MAPRE2: variants seen among roughly 807,000 people sequenced by gnomAD.
MAPRE2 encodes microtubule associated protein RP/EB family member 2.
A neutral mutation model predicts 43.2 loss-of-function variants in MAPRE2; 13 were observed. That is an observed-to-expected ratio of 0.30 (90% CI 0.20 to 0.48). The LOEUF (loss-of-function observed/expected upper bound fraction) is 0.48, where lower values mean the gene tolerates loss of function less well. MAPRE2 is among the 20% of genes least tolerant of loss of function. The probability of loss-of-function intolerance (pLI) is 0.99; values close to 1 mark genes in which losing one functional copy is unlikely to be tolerated. For missense variants in MAPRE2, 161 were observed against 400.2 expected (o/e 0.40, Z 5.10); for synonymous variants, 135 against 148.8 (o/e 0.91, Z 0.68).
chr18:35,109,441 G>A (rs960462391), intron 4 of MAPRE2, among the ~76,000 whole-genome samples: 2 of 152,090 alleles, frequency 1.3e-5, no homozygotes, highest in Admixed American at 6.6e-5. Flanking sequence ...GCTATACAGG[G>A]TCTTCTTTGA....
Position 35,140,333 on chromosome 18 carries a change from C to T in MAPRE2, c.948C>T (p.Ala316=). ...AAGAGCCGGAAGCAGAGGAGCAAGC[C>T]CACGAACAGCAGCCCCCGCAGCAGG... ...HTEEPEAEEQ[A]HEQQPPQQEE... is the part of the protein sequence containing the mutation. Residue 316 remains alanine (A), a synonymous_variant, in exon 7 of 7, where the codon GCC becomes GCT. Transcript: ENST00000300249. 1 of 1,613,838 alleles carries T rather than the reference C, an allele frequency of 6.2e-7. No homozygotes were observed. The highest frequency in any genetic ancestry group is 8.5e-7 in the Non-Finnish European group (1 of 1,179,930).
At chr18:35,122,948 A>C (rs1447099969) in intron 4 of MAPRE2, among the ~76,000 whole-genome samples, 3 of 152,246 alleles carry the variant, frequency 2.0e-5, no homozygotes, top group African/African-American at 7.2e-5. Context: ...AAGAAAACAA[A>C]ACAAAACCTG....
At chr18:35,072,561 T>C (rs951782489) in intron 2 of MAPRE2, among the ~76,000 whole-genome samples, 2 of 152,150 alleles carry the variant, frequency 1.3e-5, no homozygotes, top group African/African-American at 4.8e-5. Context: ...TGGTAGCAAA[T>C]GAAATAAGAA....
At chr18:35,131,516 A>C (rs990360871) in intron 5 of MAPRE2, among the ~76,000 whole-genome samples, 20 of 152,168 alleles carry the variant, frequency 1.3e-4, no homozygotes, top group African/African-American at 4.8e-4. Context: ...CTGTCTTCAC[A>C]TGCTGAAAGG....
chr18:35,067,019 G>A (rs761512251), intron 1 of MAPRE2, among the ~76,000 whole-genome samples: 3 of 152,180 alleles, frequency 2.0e-5, no homozygotes, highest in Non-Finnish European at 4.4e-5. Context: ...AGGAAATGGT[G>A]AAAAATTTCT....
intron 1 of MAPRE2, among the ~76,000 whole-genome samples, chr18:35,049,891 G>T (rs2150604385): frequency 6.6e-6 from 1 of 152,294 alleles, no homozygotes; most frequent in African/African-American, 2.4e-5. Flanking sequence ...CTTGGGCATT[G>T]TTGAGTGATT....
In MAPRE2 at chr18:35,128,907, T is replaced by C. The variant is rs138694558; in HGVS notation, c.750+1820T>C. 5.6e-3 allele frequency among the ~76,000 whole-genome samples: 848 copies of C among 152,232 alleles called. 6 individuals are homozygous for C. The highest frequency in any genetic ancestry group is 0.016 in the African/African-American group (667 of 41,528). On this transcript the variant is annotated intron_variant, in intron 5 of 6. Transcript: ENST00000300249. ...AACCGCCCAGCCCCACTTCCCCTCC[T>C]TGGGGCTGGCTGTAGGCTCCCGCTA...
At chr18:35,110,080 T>C (rs1909111458) in intron 4 of MAPRE2, among the ~76,000 whole-genome samples, 1 of 152,162 alleles carries the variant, frequency 6.6e-6, no homozygotes, top group South Asian at 2.1e-4. Flanking sequence ...CTGTACACCT[T>C]TATGTAAAAT....
intron 1 of MAPRE2, among the ~76,000 whole-genome samples, chr18:35,066,579 T>A (rs1446478075): frequency 3.3e-5 from 5 of 152,248 alleles, no homozygotes; most frequent in Non-Finnish European, 2.9e-5. Flanking sequence ...TGTAGCCACT[T>A]GTATCATTTA....
At chr18:35,126,295 A>G (rs963569472) in intron 4 of MAPRE2, among the ~76,000 whole-genome samples, 1 of 152,216 alleles carries the variant, frequency 6.6e-6, no homozygotes, top group African/African-American at 2.4e-5. Context: ...CTCTTGATAT[A>G]AATCCTGGAG....
intron 2 of MAPRE2, among the ~76,000 whole-genome samples, chr18:35,020,025 C>A (rs930338553): frequency 5.9e-5 from 9 of 152,076 alleles, no homozygotes; most frequent in African/African-American, 2.2e-4. Context: ...CCTCAGGTTG[C>A]CTGGCTACTT....
At chr18:35,120,982 A>ATG (rs1387554252) in intron 4 of MAPRE2, among the ~76,000 whole-genome samples, 1 of 152,192 alleles carries the variant, frequency 6.6e-6, no homozygotes, top group Non-Finnish European at 1.5e-5. Context: ...GGCCGCCTGC[A>ATG]TGTGTGTGTG....
At chr18:35,085,535 GGT>G (rs1907835751) in intron 2 of MAPRE2, among the ~76,000 whole-genome samples, 1 of 152,194 alleles carries the variant, frequency 6.6e-6, no homozygotes, top group South Asian at 2.1e-4. Flanking sequence ...ATCTGGAAAG[GGT>G]GTGTGTGCCC....
At chr18:35,122,394 T>C (rs1194316222) in intron 4 of MAPRE2, among the ~76,000 whole-genome samples, 1 of 152,226 alleles carries the variant, frequency 6.6e-6, no homozygotes, top group Non-Finnish European at 1.5e-5. Flanking sequence ...TCCTGTTCTT[T>C]AATTTCTTCA....
At chr18:35,046,289 C>T (rs1328995363) in intron 1 of MAPRE2, among the ~76,000 whole-genome samples, 2 of 152,284 alleles carry the variant, frequency 1.3e-5, no homozygotes, top group Non-Finnish European at 1.5e-5. Context: ...GATGGAAAAC[C>T]GCTCATTTTG....
At chr18:35,138,039 G>T (rs1172985272) in intron 6 of MAPRE2, among the ~76,000 whole-genome samples, 1 of 152,190 alleles carries the variant, frequency 6.6e-6, no homozygotes, top group Non-Finnish European at 1.5e-5. Context: ...CCAAGAAGAA[G>T]TTCTCTCCTG....
At chr18:35,125,582 A>G (rs982203803) in intron 4 of MAPRE2, among the ~76,000 whole-genome samples, 2 of 152,212 alleles carry the variant, frequency 1.3e-5, no homozygotes, top group African/African-American at 4.8e-5. Flanking sequence ...CCTGCACCAC[A>G]CTGAAGGGGT....
intron 1 of MAPRE2, among the ~76,000 whole-genome samples, chr18:34,981,876 T>A (rs926534881): frequency 3.2e-4 from 11 of 34,716 alleles, no homozygotes; most frequent in African/African-American, 6.1e-4. Flanking sequence ...TTTTTTTTTT[T>A]ATTTTTATTT....
At chr18:34,997,800 G>A (rs1337149899) in intron 1 of MAPRE2, among the ~76,000 whole-genome samples, 3 of 152,242 alleles carry the variant, frequency 2.0e-5, no homozygotes, top group Non-Finnish European at 4.4e-5. Flanking sequence ...TGGGCTACAA[G>A]AGTGAGACTC....
Sources: gnomAD v4.1 joint callset for allele counts (sites outside exome capture counted in the v4.1 genomes callset) on GRCh38, gnomAD v4.1.1 for gene constraint, MANE v1.5 for transcripts, NCBI Gene and HGNC (gene_info 2026-07-23, HGNC 2026-07-21) for gene names.